Variants in UBE2E2 observed in about 807,000 individuals in gnomAD.
UBE2E2 encodes the protein ubiquitin-conjugating enzyme E2 E2.
In UBE2E2, 6 loss-of-function variants were observed where a neutral mutation model predicts 24.7. The observed-to-expected ratio is 0.24, with a 90% CI of 0.13 to 0.48. The LOEUF is 0.48. Ranked by LOEUF, UBE2E2 falls within the 20% of genes least tolerant of loss-of-function variation. The probability of loss-of-function intolerance (pLI) is 0.99; values close to 1 mark genes in which losing one functional copy is unlikely to be tolerated. For synonymous variants in UBE2E2, 104 were observed against 83.6 expected, an observed-to-expected ratio of 1.24 and a Z score of -1.33; for missense variants, 169 against 245.0, an observed-to-expected ratio of 0.69 and a Z score of 2.07.
At chr3:23,468,705 A>G (rs1432957942) in intron 3 of UBE2E2, among the ~76,000 whole-genome samples, 2 of 152,176 alleles carry the variant, frequency 1.3e-5, no homozygotes, top group Admixed American at 6.5e-5. Context: ...AAACCAAACA[A>G]CTAATAAGTA....
At chr3:23,364,776 G>T (rs1256180114) in intron 3 of UBE2E2, among the ~76,000 whole-genome samples, 7 of 152,086 alleles carry the variant, frequency 4.6e-5, no homozygotes, top group Non-Finnish European at 1.0e-4. Flanking sequence ...ATTCTGTGAG[G>T]CTAGCATCAT....
At position 23,515,549 on chromosome 3, in the gene UBE2E2, C is replaced by T. The variant is rs917242801; in HGVS notation, c.360+15809C>T. Among the ~76,000 whole-genome samples, 10 of 152,264 alleles carry T rather than the reference C, an allele frequency of 6.6e-5. 2 individuals carry two copies. Among genetic ancestry groups the T allele is most frequent in the Admixed American group, 1.3e-4 (2 of 15,296 alleles). On this transcript the variant is annotated intron_variant, in intron 4 of 5. Coordinates refer to ENST00000396703, the MANE Select transcript of UBE2E2 (RefSeq NM_152653.4). ...TCCTTGGACATGGATACCATCTCCTCCTGGCAATTCGATTAGTATGGGTGT... is the reference window on the plus strand; with the variant it reads ...TCCTTGGACATGGATACCATCTCCTTCTGGCAATTCGATTAGTATGGGTGT...
intron 3 of UBE2E2, among the ~76,000 whole-genome samples, chr3:23,266,637 G>A (rs1254928487): frequency 4.0e-5 from 6 of 151,642 alleles, no homozygotes; most frequent in Non-Finnish European, 7.4e-5. Context: ...TGCTCTTCTC[G>A]AGGAGTATCT....
At chr3:23,542,412 G>A (rs902237268) in intron 5 of UBE2E2, among the ~76,000 whole-genome samples, 13 of 152,156 alleles carry the variant, frequency 8.5e-5, no homozygotes, top group African/African-American at 2.9e-4. Flanking sequence ...ACTATTTGGG[G>A]GAAGTTTTTG....
intron 3 of UBE2E2, among the ~76,000 whole-genome samples, chr3:23,405,664 A>C (rs1697338445): frequency 6.6e-6 from 1 of 152,208 alleles, no homozygotes; most frequent in South Asian, 2.1e-4. Context: ...GGGGCCATCC[A>C]CTGAAATCTG....
At chr3:23,499,370 T>C (rs563739943) in intron 3 of UBE2E2, among the ~76,000 whole-genome samples, 1 of 152,358 alleles carries the variant, frequency 6.6e-6, no homozygotes, top group East Asian at 1.9e-4. Context: ...TCTTGTTCCA[T>C]AGGCGTAGGG....
chr3:23,280,613 C>A lies in UBE2E2; in HGVS notation c.227+63301C>A, dbSNP rs1032504910. On this transcript the variant is annotated intron_variant, in intron 3 of 5. Coordinates refer to ENST00000396703, the MANE Select transcript of UBE2E2 (RefSeq NM_152653.4). The surrounding 1 kb of genome is among the most constrained non-coding windows in gnomAD (Gnocchi z 4.3). ...ACCCTGATGACCCAGTTGTCTTACT[C>A]ACTCAGAAATGGTGCCTTCTTTTGG... is the stretch of plus-strand genomic sequence containing the variant. 2.0e-5 allele frequency among the ~76,000 whole-genome samples: 3 copies of A among 152,220 alleles called. No individual in the cohort carries two copies. Among genetic ancestry groups the A allele is most frequent in the African/African-American group, 7.2e-5 (3 of 41,454 alleles).
At chr3:23,288,987 C>G (rs1332412269) in intron 3 of UBE2E2, among the ~76,000 whole-genome samples, 1 of 152,214 alleles carries the variant, frequency 6.6e-6, no homozygotes, top group East Asian at 1.9e-4. Flanking sequence ...TCTTCAGTGA[C>G]TCTTTTAGCA....
chr3:23,376,809 T>C (rs1370912304), intron 3 of UBE2E2, among the ~76,000 whole-genome samples: 1 of 152,174 alleles, frequency 6.6e-6, no homozygotes, highest in Non-Finnish European at 1.5e-5. Flanking sequence ...GTCAAACTCT[T>C]AGTTTTATAT....
At chr3:23,315,285 A>G (rs557332522) in intron 3 of UBE2E2, among the ~76,000 whole-genome samples, 3 of 142,390 alleles carry the variant, frequency 2.1e-5, no homozygotes, top group Admixed American at 1.4e-4. Flanking sequence ...GTTCATGCCG[A>G]TTTTCTAGGT....
chr3:23,379,099 C>G (rs887015037), intron 3 of UBE2E2, among the ~76,000 whole-genome samples: 8 of 152,038 alleles, frequency 5.3e-5, no homozygotes, highest in African/African-American at 1.9e-4. Flanking sequence ...TGCTGTTTGA[C>G]TGTCTTGTGA....
chr3:23,494,137 C>G (rs1699555512), intron 3 of UBE2E2, among the ~76,000 whole-genome samples: 1 of 152,184 alleles, frequency 6.6e-6, no homozygotes, highest in Non-Finnish European at 1.5e-5. Context: ...CAAGTGTCCT[C>G]TGGCACCAAA....
intron 3 of UBE2E2, among the ~76,000 whole-genome samples, chr3:23,382,771 TAAAC>T (rs956515712): frequency 6.6e-6 from 1 of 152,354 alleles, no homozygotes; most frequent in African/African-American, 2.4e-5. Flanking sequence ...TATTACTCCT[TAAAC>T]AAATAACTGT....
At chr3:23,347,635 T>A (rs1282580842) in intron 3 of UBE2E2, among the ~76,000 whole-genome samples, 1 of 152,128 alleles carries the variant, frequency 6.6e-6, no homozygotes, top group Admixed American at 6.5e-5. Flanking sequence ...CAAACCAACA[T>A]GGCACATGTA....
At chr3:23,257,711 A>G (rs1030367147) in intron 3 of UBE2E2, among the ~76,000 whole-genome samples, 6 of 151,682 alleles carry the variant, frequency 4.0e-5, no homozygotes, top group African/African-American at 1.5e-4. Context: ...AAACCAAAAC[A>G]TACCCAATAT....
intron 3 of UBE2E2, among the ~76,000 whole-genome samples, chr3:23,301,055 C>T (rs1015252262): frequency 7.2e-5 from 11 of 152,210 alleles, no homozygotes; most frequent in African/African-American, 2.7e-4. Context: ...CACTGATACC[C>T]TTTCTTCCAA....
At chr3:23,540,527 C>G (rs1695371451) in intron 5 of UBE2E2, among the ~76,000 whole-genome samples, 1 of 152,092 alleles carries the variant, frequency 6.6e-6, no homozygotes, top group East Asian at 1.9e-4. Context: ...GCCTTAGCCT[C>G]CTGAGTAGCT....
chr3:23,473,903 C>T (rs1396099347), intron 3 of UBE2E2, among the ~76,000 whole-genome samples: 1 of 152,008 alleles, frequency 6.6e-6, no homozygotes, highest in Non-Finnish European at 1.5e-5. Context: ...GACTTCTTTT[C>T]CTCTGGGTAA....
chr3:23,369,442 C>A (rs6550760), intron 3 of UBE2E2, among the ~76,000 whole-genome samples: 127,408 of 152,176 alleles, frequency 0.84, 53,389 homozygotes, highest in African/African-American at 0.89. Flanking sequence ...TCTCCTAAGA[C>A]AAATAATGGG....
Sources: allele counts gnomAD v4.1 joint callset (sites outside exome capture counted in the v4.1 genomes callset), GRCh38; gene constraint gnomAD v4.1.1; non-coding constraint Gnocchi (gnomAD v3.1); transcripts MANE v1.5; gene names NCBI Gene and HGNC (gene_info 2026-07-23, HGNC 2026-07-21).